Variants in SPAG17 observed in about 807,000 individuals in gnomAD.
The protein encoded by SPAG17 is sperm associated antigen 17, also known as sperm-associated antigen 17.
A neutral mutation model predicts 273.6 loss-of-function variants in SPAG17; 169 were observed. The observed-to-expected ratio is 0.62, with a 90% CI of 0.55 to 0.70. The LOEUF is 0.70. SPAG17 is among the 30% of genes least tolerant of loss of function. SPAG17 has a pLI of 0.00. For missense variants in SPAG17, 2,557 were observed against 2,627.8 expected (o/e 0.97, Z 0.59); for synonymous variants, 825 against 873.2 (o/e 0.94, Z 0.97).
chr1:118,131,834 G>C (rs919472035), intron 3 of SPAG17, among the ~76,000 whole-genome samples: 1 of 152,138 alleles, frequency 6.6e-6, no homozygotes, highest in Non-Finnish European at 1.5e-5. Context: ...TCTTCCTGTG[G>C]TGCAACCTGG....
intron 3 of SPAG17, among the ~76,000 whole-genome samples, chr1:118,146,807 C>T (rs1659019040): frequency 1.3e-5 from 2 of 152,176 alleles, no homozygotes; most frequent in Non-Finnish European, 2.9e-5. Context: ...CTTCTCTATG[C>T]CTCCATTTCC....
chr1:118,040,639 T>C, intron 22 of SPAG17, 91 bp downstream of exon 22: 2 of 807,962 alleles, frequency 2.5e-6, no homozygotes, highest in Middle Eastern at 2.3e-4. Flanking sequence ...AATAACACTC[T>C]CGCCTATCAA....
At chr1:118,095,406 T>C (rs1435180289) in intron 7 of SPAG17, among the ~76,000 whole-genome samples, 1 of 152,180 alleles carries the variant, frequency 6.6e-6, no homozygotes, top group African/African-American at 2.4e-5. Flanking sequence ...AAAAGGTACT[T>C]GGCTTGAGGC....
intron 32 of SPAG17, 69 bp downstream of exon 32, chr1:118,005,345 G>A: frequency 7.5e-7 from 1 of 1,334,902 alleles, no homozygotes; most frequent in African/African-American, 1.5e-5. Flanking sequence ...CTACATGGAA[G>A]CTTTGTAGTG....
intron 43 of SPAG17, among the ~76,000 whole-genome samples, chr1:117,974,134 G>T (rs1323315781): frequency 6.6e-6 from 1 of 152,102 alleles, no homozygotes; most frequent in African/African-American, 2.4e-5. Flanking sequence ...ACATGTGAGT[G>T]TATGTGTCTT....
chr1:118,123,793 T>TA (rs1419423332), intron 3 of SPAG17, among the ~76,000 whole-genome samples: 17 of 152,296 alleles, frequency 1.1e-4, no homozygotes, highest in Non-Finnish European at 2.2e-4. Context: ...ACATAAAAGT[T>TA]GGTAACATAA....
intron 32 of SPAG17, 44 bp downstream of exon 32, chr1:118,005,370 A>C: frequency 6.8e-7 from 1 of 1,475,702 alleles, no homozygotes; most frequent in African/African-American, 1.4e-5. Context: ...ATATCTCAAA[A>C]GCAAAGCCAC....
At chr1:118,139,498 G>C (rs1422241017) in intron 3 of SPAG17, among the ~76,000 whole-genome samples, 1 of 152,172 alleles carries the variant, frequency 6.6e-6, no homozygotes. Context: ...ACTTGTTAAA[G>C]AGGTGTCTGC....
intron 20 of SPAG17, among the ~76,000 whole-genome samples, chr1:118,043,445 CA>C (rs1650001708): frequency 6.6e-6 from 1 of 151,950 alleles, no homozygotes; most frequent in Non-Finnish European, 1.5e-5. Flanking sequence ...TGCAATTAAG[CA>C]AAATATTAAA....
At chr1:118,136,568 T>A (rs1454302889) in intron 3 of SPAG17, among the ~76,000 whole-genome samples, 1 of 152,172 alleles carries the variant, frequency 6.6e-6, no homozygotes, top group Non-Finnish European at 1.5e-5. Context: ...AGGCAGAACT[T>A]CCAGCACCTC....
At position 118,137,311 on chromosome 1, in the gene SPAG17, G is replaced by C. The variant is rs143699392; in HGVS notation, c.315+13232C>G. Among the ~76,000 whole-genome samples the C allele has an allele frequency of 4.1e-3, 626 of 152,338 alleles. 2 individuals carry two copies. Among genetic ancestry groups the C allele is most frequent in the African/African-American group, 0.014 (575 of 41,580 alleles). ...GATAATCTCTAACTAAGGATTGCCT[G>C]ATGAATGAGTAAGCCCAGATAGAAT... On this transcript the variant is annotated intron_variant, in intron 3 of 48. Coordinates refer to ENST00000336338, the MANE Select transcript of SPAG17 (RefSeq NM_206996.4).
At chr1:118,147,711 CATA>C (rs1659102029) in intron 3 of SPAG17, among the ~76,000 whole-genome samples, 1 of 152,212 alleles carries the variant, frequency 6.6e-6, no homozygotes, top group South Asian at 2.1e-4. Flanking sequence ...TACACAATCT[CATA>C]ATGAGGCTGT....
At chr1:117,996,254 A>T (rs1163614952) in intron 34 of SPAG17, 116 bp downstream of exon 34, 10 of 1,238,264 alleles carry the variant, frequency 8.1e-6, no homozygotes, top group Non-Finnish European at 1.1e-5. Context: ...TCCAAAGTAG[A>T]GCAGAAAAGT....
At chr1:118,170,855 T>C (rs1172386678) in intron 1 of SPAG17, among the ~76,000 whole-genome samples, 3 of 152,164 alleles carry the variant, frequency 2.0e-5, no homozygotes, top group Admixed American at 6.6e-5. Context: ...GGTTATCTTG[T>C]GGGATATCCT....
chr1:117,982,995 T>C (rs1269706458), intron 42 of SPAG17, among the ~76,000 whole-genome samples: 1 of 152,192 alleles, frequency 6.6e-6, no homozygotes, highest in African/African-American at 2.4e-5. Context: ...GAATTCTCTA[T>C]AGGATTGTAT....
intron 48 of SPAG17, chr1:117,955,458 T>A (rs1430584018): frequency 2.6e-6 from 3 of 1,148,964 alleles, no homozygotes; most frequent in Non-Finnish European, 3.8e-6. Context: ...TTGATGGTTA[T>A]CTTATAGGTT....
intron 3 of SPAG17, among the ~76,000 whole-genome samples, chr1:118,141,388 G>GT (rs1257276970): frequency 6.6e-6 from 1 of 152,182 alleles, no homozygotes; most frequent in Non-Finnish European, 1.5e-5. Flanking sequence ...TGTAAATCAA[G>GT]TTTTAAAAAA....
intron 18 of SPAG17, among the ~76,000 whole-genome samples, chr1:118,065,342 T>A (rs1652842704): frequency 6.6e-6 from 1 of 152,150 alleles, no homozygotes; most frequent in Non-Finnish European, 1.5e-5. Flanking sequence ...GGCCGTATGT[T>A]TTTATCTGCA....
chr1:118,009,867 A>G (rs909821707), intron 30 of SPAG17, among the ~76,000 whole-genome samples: 4 of 152,248 alleles, frequency 2.6e-5, no homozygotes, highest in Admixed American at 2.6e-4. Context: ...GAAAATAAAG[A>G]AAATAAAGAA....
Sources: gnomAD v4.1 joint callset for allele counts (sites outside exome capture counted in the v4.1 genomes callset) on GRCh38, gnomAD v4.1.1 for gene constraint, MANE v1.5 for transcripts, NCBI Gene and HGNC (gene_info 2026-07-23, HGNC 2026-07-21) for gene names.